Variants in ARG2 observed in about 807,000 individuals in gnomAD.
ARG2 encodes the protein arginase 2.
In ARG2, 21 loss-of-function variants were observed where a neutral mutation model predicts 39.4. The observed-to-expected ratio is 0.53, with a 90% CI of 0.38 to 0.77. ARG2 has a LOEUF of 0.77. Ranked by LOEUF, ARG2 falls within the 30% of genes least tolerant of loss-of-function variation. ARG2 has a pLI of 0.00. For missense variants in ARG2, 378 were observed against 426.2 expected (o/e 0.89, Z 1.00); for synonymous variants, 150 against 156.7 (o/e 0.96, Z 0.32).
chr14:67,643,701 AC>A (rs1566804130), intron 3 of ARG2, among the ~76,000 whole-genome samples: 1 of 152,094 alleles, frequency 6.6e-6, no homozygotes, highest in African/African-American at 2.4e-5. Context: ...TTATCCAAGG[AC>A]TAGAACCAGG....
chr14:67,640,098 C>A (rs976222124), intron 2 of ARG2, among the ~76,000 whole-genome samples: 2 of 151,950 alleles, frequency 1.3e-5, no homozygotes, highest in South Asian at 2.1e-4. Flanking sequence ...TTTACTCAAA[C>A]CTTTTTGTCT....
At chr14:67,642,635 T>G (rs991826006) in intron 3 of ARG2, among the ~76,000 whole-genome samples, 10 of 152,132 alleles carry the variant, frequency 6.6e-5, no homozygotes, top group African/African-American at 2.4e-4. Context: ...TCCTAGGCAC[T>G]GTGTTAACAT....
Position 67,650,815 on chromosome 14 carries a change from T to G in ARG2, c.960T>G (p.Ala320=), listed in dbSNP as rs1451499408. 1 of 1,614,064 alleles carries G rather than the reference T, an allele frequency of 6.2e-7. No homozygotes were observed. The highest frequency in any genetic ancestry group is 1.1e-5 in the South Asian group (1 of 91,086). Residue 320 remains alanine, a synonymous_variant, in exon 8 of 8, where the codon GCT becomes GCG. Transcript: ENST00000261783. ...CTAACCTGGCAGTAGATGTGATTGC[T>G]TCAAGCTTTGGTCAGACAAGAGAAG... ...TTANLAVDVI[A]SSFGQTREGG...
intron 2 of ARG2, among the ~76,000 whole-genome samples, chr14:67,632,965 C>G (rs560494813): frequency 1.3e-5 from 2 of 151,596 alleles, no homozygotes; most frequent in Non-Finnish European, 2.9e-5. Context: ...GGACTACAGG[C>G]GCCCGCCACC....
intron 2 of ARG2, among the ~76,000 whole-genome samples, chr14:67,623,830 C>T (rs2036836872): frequency 6.6e-6 from 1 of 152,090 alleles, no homozygotes; most frequent in South Asian, 2.1e-4. Context: ...GAGTGAGCCA[C>T]TGCTCCCAGC....
chr14:67,627,537 T>C (rs192452587), intron 2 of ARG2, among the ~76,000 whole-genome samples: 3 of 152,238 alleles, frequency 2.0e-5, no homozygotes, highest in Non-Finnish European at 4.4e-5. Context: ...GGGACAAGAA[T>C]TGGTTGCTAG....
chr14:67,650,481 G>A (rs769287320), intron 7 of ARG2: 4 of 549,308 alleles, frequency 7.3e-6, no homozygotes, highest in Non-Finnish European at 1.3e-5. Flanking sequence ...AACAGGGATG[G>A]TTTATTTCAT....
intron 2 of ARG2, among the ~76,000 whole-genome samples, chr14:67,640,374 G>T (rs1782365596): frequency 6.6e-6 from 1 of 152,098 alleles, no homozygotes; most frequent in Admixed American, 6.5e-5. Flanking sequence ...AAGGGCTGGG[G>T]AGGAAAAAAA....
chr14:67,651,454 G>A lies in ARG2; in HGVS notation c.*534G>A. ...TGGCGAGCTCCAGTAAGATGATAAT[G>A]GAAAGCAGCAGCTTGTTGGTTGTCA... On this transcript the variant is annotated 3_prime_UTR_variant, in exon 8 of 8. Coordinates refer to ENST00000261783, the MANE Select transcript of ARG2 (RefSeq NM_001172.4). 2 of 1,613,924 alleles carry A rather than the reference G, an allele frequency of 1.2e-6. No homozygotes were observed. Among genetic ancestry groups the A allele is most frequent in the Non-Finnish European group, 1.7e-6 (2 of 1,179,808 alleles).
chr14:67,650,341 C>T (rs2037156403), intron 7 of ARG2: 1 of 257,692 alleles, frequency 3.9e-6, no homozygotes, highest in Non-Finnish European at 7.5e-6. Flanking sequence ...AGGCAGGCAT[C>T]TGGAAGGTTC....
chr14:67,635,731 T>G (rs1196161368), intron 2 of ARG2, among the ~76,000 whole-genome samples: 1 of 152,088 alleles, frequency 6.6e-6, no homozygotes, highest in Non-Finnish European at 1.5e-5. Flanking sequence ...CAGGCACCTG[T>G]AATACCAGCT....
At chr14:67,639,741 C>A (rs372185733) in intron 2 of ARG2, among the ~76,000 whole-genome samples, 1 of 151,804 alleles carries the variant, frequency 6.6e-6, no homozygotes, top group Non-Finnish European at 1.5e-5. Flanking sequence ...GCCAACATGG[C>A]GAAACCCTGT....
chr14:67,648,517 G>C, intron 7 of ARG2: 1 of 180,394 alleles, frequency 5.5e-6, no homozygotes, highest in South Asian at 1.5e-4. Context: ...TAAGATAAGA[G>C]TGCAAGGCTG....
chr14:67,634,371 T>A (rs1052269183), intron 2 of ARG2, among the ~76,000 whole-genome samples: 1 of 149,086 alleles, frequency 6.7e-6, no homozygotes, highest in Non-Finnish European at 1.5e-5. Context: ...GGTGGATGGA[T>A]CACTTAAGCC....
chr14:67,644,891 G>A (rs1401076923), intron 3 of ARG2, among the ~76,000 whole-genome samples: 3 of 151,896 alleles, frequency 2.0e-5, no homozygotes, highest in African/African-American at 4.8e-5. Context: ...CCAATTACTC[G>A]GGAGGCTGAG....
chr14:67,631,241 A>C (rs2036915059), intron 2 of ARG2, among the ~76,000 whole-genome samples: 1 of 152,162 alleles, frequency 6.6e-6, no homozygotes, highest in Admixed American at 6.5e-5. Flanking sequence ...GCTTGTTATA[A>C]TGTGGCTTCG....
chr14:67,623,230 T>C (rs551249085), intron 2 of ARG2, among the ~76,000 whole-genome samples: 5 of 152,284 alleles, frequency 3.3e-5, no homozygotes, highest in Admixed American at 1.3e-4. Context: ...CTGGAATATA[T>C]TGGAGAAAAG....
intron 4 of ARG2, among the ~76,000 whole-genome samples, chr14:67,646,005 CAAG>C (rs932874475): frequency 3.3e-5 from 5 of 152,098 alleles, no homozygotes; most frequent in Admixed American, 6.5e-5. Context: ...TGTAAGAAAG[CAAG>C]GAGGGGGTAG....
At chr14:67,647,057 C>A in intron 6 of ARG2, 32 bp downstream of exon 6, 2 of 1,349,526 alleles carry the variant, frequency 1.5e-6, no homozygotes, top group Non-Finnish European at 2.1e-6. Flanking sequence ...CAGGGCAAAC[C>A]CCCAATGGGC....
Sources: allele counts gnomAD v4.1 joint callset (sites outside exome capture counted in the v4.1 genomes callset), GRCh38; gene constraint gnomAD v4.1.1; transcripts MANE v1.5; gene names NCBI Gene and HGNC (gene_info 2026-07-23, HGNC 2026-07-21).